Variants in PIP5K1B observed in about 807,000 individuals in gnomAD.
PIP5K1B encodes the protein phosphatidylinositol-4-phosphate 5-kinase type 1 beta.
Under a neutral mutation model 67.0 loss-of-function variants are expected in PIP5K1B, and 42 were observed. The observed-to-expected ratio is 0.63, with a 90% CI of 0.49 to 0.81. The LOEUF is 0.81. PIP5K1B is among the 30% of genes least tolerant of loss of function. PIP5K1B has a pLI of 0.00. For synonymous variants in PIP5K1B, 214 were observed against 231.4 expected (o/e 0.92, Z 0.68); for missense variants, 459 against 646.3 (o/e 0.71, Z 3.14).
chr9:68,991,629 C>T (rs146053756), intron 15 of PIP5K1B, among the ~76,000 whole-genome samples: 6 of 152,222 alleles, frequency 3.9e-5, no homozygotes, highest in Non-Finnish European at 5.9e-5. Context: ...GTTAGTAGGC[C>T]GAGAGGCGCA....
chr9:68,772,163 A>C (rs1430075279), intron 2 of PIP5K1B, among the ~76,000 whole-genome samples: 1 of 152,214 alleles, frequency 6.6e-6, no homozygotes, highest in Non-Finnish European at 1.5e-5. Context: ...CTAGGTTTGC[A>C]GCAGCAGCTT....
chr9:68,709,846 G>T (rs1315993664), intron 1 of PIP5K1B, among the ~76,000 whole-genome samples: 2 of 152,134 alleles, frequency 1.3e-5, no homozygotes, highest in Admixed American at 6.5e-5. Flanking sequence ...GGAGTTCAAG[G>T]TTGCAGTGAG....
At chr9:68,978,389 G>A (rs183299733) in intron 14 of PIP5K1B, among the ~76,000 whole-genome samples, 4 of 152,150 alleles carry the variant, frequency 2.6e-5, no homozygotes, top group South Asian at 4.1e-4. Context: ...TGCGTCTGGC[G>A]TATTTCATTT....
At chr9:68,748,912 A>G (rs2151415) in intron 2 of PIP5K1B, among the ~76,000 whole-genome samples, 145,344 of 152,216 alleles carry the variant, frequency 0.95, 69,491 homozygotes, top group African/African-American at 0.97. Context: ...GCACTCGGCC[A>G]GGTTTCAGAT....
intron 7 of PIP5K1B, among the ~76,000 whole-genome samples, chr9:68,892,366 A>T (rs1564210486): frequency 1.3e-5 from 2 of 152,250 alleles, no homozygotes; most frequent in Non-Finnish European, 2.9e-5. Flanking sequence ...TATAGCATAT[A>T]CAAAAAATAT....
At chr9:68,886,032 T>G (rs1007970803) in intron 6 of PIP5K1B, among the ~76,000 whole-genome samples, 4 of 151,898 alleles carry the variant, frequency 2.6e-5, no homozygotes, top group Non-Finnish European at 5.9e-5. Context: ...ATACAAAAAA[T>G]TAGCTGGGCA....
At chr9:68,716,788 T>G in intron 1 of PIP5K1B, among the ~76,000 whole-genome samples, 1 of 152,170 alleles carries the variant, frequency 6.6e-6, no homozygotes, top group East Asian at 1.9e-4. Flanking sequence ...ACACCTGCAC[T>G]CACACGTTCA....
At chr9:68,959,471 A>G (rs1828594986) in intron 14 of PIP5K1B, among the ~76,000 whole-genome samples, 1 of 152,052 alleles carries the variant, frequency 6.6e-6, no homozygotes, top group Non-Finnish European at 1.5e-5. Flanking sequence ...TTTCCTCCTC[A>G]CCAAAGGCAA....
intron 2 of PIP5K1B, among the ~76,000 whole-genome samples, chr9:68,817,123 C>G: frequency 6.6e-6 from 1 of 152,184 alleles, no homozygotes; most frequent in East Asian, 1.9e-4. Context: ...AATTGTAAAT[C>G]ACCAATAAAC....
intron 1 of PIP5K1B, among the ~76,000 whole-genome samples, chr9:68,716,969 A>G (rs58317570): frequency 0.012 from 1,862 of 152,292 alleles, 42 homozygotes; most frequent in African/African-American, 0.041. Context: ...CCGTTATCCT[A>G]AGCAAATTAA....
At chr9:68,986,181 A>G (rs1218699259) in intron 14 of PIP5K1B, among the ~76,000 whole-genome samples, 1 of 152,220 alleles carries the variant, frequency 6.6e-6, no homozygotes, top group Non-Finnish European at 1.5e-5. Flanking sequence ...AAGTAGCTGT[A>G]CCGTTTTATC....
chr9:68,865,939 C>T (rs189379938), intron 5 of PIP5K1B, among the ~76,000 whole-genome samples: 309 of 152,294 alleles, frequency 2.0e-3, no homozygotes, highest in African/African-American at 7.1e-3. Context: ...AGTTATTACA[C>T]GACTCTTACA....
intron 2 of PIP5K1B, chr9:68,784,340 T>C (rs139102208): frequency 9.6e-5 from 16 of 167,230 alleles, no homozygotes; most frequent in African/African-American, 3.6e-4. Flanking sequence ...TTTGTCATAC[T>C]TAATAAACCT....
intron 2 of PIP5K1B, 40 bp downstream of exon 2, chr9:68,742,697 T>G (rs1211557456): frequency 3.3e-5 from 5 of 152,176 alleles, no homozygotes; most frequent in African/African-American, 1.2e-4. Flanking sequence ...GCAGTATTAT[T>G]CCCTTCGAGA....
At chr9:68,976,574 G>A (rs1387304503) in intron 14 of PIP5K1B, among the ~76,000 whole-genome samples, 1 of 152,198 alleles carries the variant, frequency 6.6e-6, no homozygotes, top group African/African-American at 2.4e-5. Context: ...GGTGCCCTAT[G>A]ACAGTGGTCC....
chr9:68,945,985 A>G (rs1054041800), intron 14 of PIP5K1B, among the ~76,000 whole-genome samples: 2 of 152,258 alleles, frequency 1.3e-5, no homozygotes, highest in Admixed American at 6.5e-5. Context: ...ACATTAATTT[A>G]AATTTATAAG....
At chr9:68,800,719 C>T (rs1564145629) in intron 2 of PIP5K1B, among the ~76,000 whole-genome samples, 1 of 152,206 alleles carries the variant, frequency 6.6e-6, no homozygotes, top group South Asian at 2.1e-4. Context: ...TAAGTCTGCC[C>T]AGAGGTGGTA....
intron 2 of PIP5K1B, among the ~76,000 whole-genome samples, chr9:68,761,176 G>A (rs897709783): frequency 6.6e-6 from 1 of 152,056 alleles, no homozygotes; most frequent in African/African-American, 2.4e-5. Flanking sequence ...TGGACCAGAT[G>A]TTCCTCTCTG....
chr9:68,714,291 C>G (rs1016307907), intron 1 of PIP5K1B, among the ~76,000 whole-genome samples: 3 of 152,172 alleles, frequency 2.0e-5, no homozygotes, highest in African/African-American at 4.8e-5. Context: ...CGCTAGTCAC[C>G]AAGTAGCACG....
Sources: gnomAD v4.1 joint callset for allele counts (sites outside exome capture counted in the v4.1 genomes callset) on GRCh38, gnomAD v4.1.1 for gene constraint, MANE v1.5 for transcripts, NCBI Gene and HGNC (gene_info 2026-07-23, HGNC 2026-07-21) for gene names.